SEC24B: variants seen among roughly 807,000 people sequenced by gnomAD.
SEC24B encodes the protein SEC24 homolog B, COPII component.
Under a neutral mutation model 142.8 loss-of-function variants are expected in SEC24B, and 45 were observed. The ratio of observed to expected loss-of-function variants is 0.32; its 90% confidence interval spans 0.25 to 0.40. The LOEUF is 0.40. Ranked by LOEUF, SEC24B falls within the 10% of genes least tolerant of loss-of-function variation. SEC24B has a pLI of 1.00. For synonymous variants in SEC24B, 574 were observed against 568.2 expected, an observed-to-expected ratio of 1.01 and a Z score of -0.15; for missense variants, 1,409 against 1,526.8, an observed-to-expected ratio of 0.92 and a Z score of 1.29.
chr4:109,476,848 A>G (rs1424777613), intron 3 of SEC24B, among the ~76,000 whole-genome samples: 1 of 152,222 alleles, frequency 6.6e-6, no homozygotes, highest in East Asian at 1.9e-4. Flanking sequence ...CTTAAGACCT[A>G]CAGAGTTGGC....
At position 109,483,003 on chromosome 4, in the gene SEC24B, C is replaced by CACACATAT. The variant is rs1408633373; in HGVS notation, c.1165+1223_1165+1224insCACATATA. ...ATACACACACACACACACACACACA[C>CACACATAT]ATATTATACATATGTTTTTTATATA... is the stretch of plus-strand genomic sequence containing the variant. On this transcript the variant is annotated intron_variant, in intron 4 of 23. Transcript: ENST00000265175. Among the ~76,000 whole-genome samples the CACACATAT allele has an allele frequency of 9.2e-4, 77 of 83,966 alleles. 1 individual carries two copies. The highest frequency in any genetic ancestry group is 1.5e-3 in the Non-Finnish European group (69 of 46,894). 55.1% of individuals were successfully genotyped at this position (83,966 alleles called of 152,430 possible). A position where few individuals can be genotyped will look rare whatever the true frequency, so the allele number is the denominator to read the frequency against.
rs137922616 is a variant in SEC24B at position 109,461,284 on chromosome 4, G to A, written c.134-1617G>A. On this transcript the variant is annotated intron_variant, in intron 1 of 23. Transcript: ENST00000265175. ...GCAATATGAAGCATTATTGATGGGA[G>A]GTATAAATTGATAGACCTTTTAAGA... Among the ~76,000 whole-genome samples the A allele has an allele frequency of 3.3e-3, 507 of 152,182 alleles. 4 individuals carry two copies. The highest frequency in any genetic ancestry group is 0.011 in the African/African-American group (463 of 41,520).
chr4:109,519,826 G>T (rs1236777140), intron 11 of SEC24B, among the ~76,000 whole-genome samples: 1 of 152,090 alleles, frequency 6.6e-6, no homozygotes, highest in Non-Finnish European at 1.5e-5. Flanking sequence ...TATTTTAAAG[G>T]CATTGCTAAA....
chr4:109,446,378 A>G (rs982487043), intron 1 of SEC24B, among the ~76,000 whole-genome samples: 5 of 152,214 alleles, frequency 3.3e-5, no homozygotes, highest in Non-Finnish European at 7.3e-5. Flanking sequence ...GGAAAAGGCA[A>G]GGAAACGGAT....
In SEC24B at chr4:109,525,416, A is replaced by C. The variant is rs756576096; in HGVS notation, c.2703A>C (p.Ser901=). 15 of 1,612,008 alleles carry C rather than the reference A, an allele frequency of 9.3e-6. No homozygotes were observed. The African/African-American group carries it at 1.9e-4, about 20-fold the overall frequency. Residue 901 remains serine, a synonymous_variant, in exon 16 of 24, where the codon TCA becomes TCC. Transcript: ENST00000265175. ...YPSFHYTHNP[S]QAEKLQKDLK... ...CATTCCACTATACTCACAATCCTTC[A>C]CAAGCAGAAAAGTTACAAAAAGACC... is the stretch of plus-strand genomic sequence containing the variant.
At chr4:109,527,264 GTTTGC>G in intron 17 of SEC24B, 53 bp from the exon 18 acceptor site, 1 of 1,143,012 alleles carries the variant, frequency 8.7e-7, no homozygotes, top group Non-Finnish European at 1.3e-6. Flanking sequence ...TATTTGACAT[GTTTGC>G]TTTGCTTTAT....
intron 2 of SEC24B, among the ~76,000 whole-genome samples, chr4:109,465,024 A>G (rs1487386292): frequency 6.6e-6 from 1 of 152,244 alleles, no homozygotes; most frequent in African/African-American, 2.4e-5. Flanking sequence ...ATTAAGTCAG[A>G]ATTAAAAGCA....
intron 2 of SEC24B, among the ~76,000 whole-genome samples, chr4:109,466,653 G>A (rs770085175): frequency 7.4e-4 from 113 of 152,206 alleles, no homozygotes; most frequent in Non-Finnish European, 8.8e-4. Flanking sequence ...CTTGTGATCC[G>A]CCCGCCTTGG....
At chr4:109,454,772 T>C (rs1209988451) in intron 1 of SEC24B, among the ~76,000 whole-genome samples, 5 of 152,156 alleles carry the variant, frequency 3.3e-5, no homozygotes, top group African/African-American at 1.2e-4. Context: ...ATTCTAACTT[T>C]CCCTCTGTCC....
Position 109,463,460 on chromosome 4 carries a change from T to C in SEC24B, c.693T>C (p.Asn231=), listed in dbSNP as rs772489735. The change falls in exon 2 of 24, where the codon AAT becomes AAC. Residue 231 remains asparagine, a synonymous_variant. Transcript: ENST00000265175. ...PVKDNSFSGQ[N]TAISHPSPLP... ...AAGATAATTCATTCTCTGGTCAAAA[T>C]ACAGCTATCAGCCATCCATCGCCAC... The C allele has an allele frequency of 6.2e-7, 1 of 1,614,184 alleles. No homozygotes were observed.
intron 1 of SEC24B, among the ~76,000 whole-genome samples, chr4:109,456,337 T>TG (rs1445207795): frequency 2.7e-5 from 4 of 148,752 alleles, no homozygotes; most frequent in South Asian, 2.1e-4. Context: ...TTTTTTTGTT[T>TG]TTTTTTTTTT....
At chr4:109,485,024 G>A (rs1224469285) in intron 4 of SEC24B, among the ~76,000 whole-genome samples, 2 of 152,006 alleles carry the variant, frequency 1.3e-5, no homozygotes, top group African/African-American at 4.8e-5. Flanking sequence ...GCAATACAGA[G>A]CTAGTATGTC....
chr4:109,494,602 T>G lies in SEC24B; in HGVS notation c.1247-13T>G, dbSNP rs752658019. On this transcript the variant is annotated splice_polypyrimidine_tract_variant and intron_variant, in intron 5 of 23. Coordinates refer to ENST00000265175, the MANE Select transcript of SEC24B (RefSeq NM_006323.5). ...ATTTTCAGTTGTTAACACCATGTGT[T>G]TCCATTTTTTAGATATGCTTTCTTC... 256 of 1,613,350 alleles carry G rather than the reference T, an allele frequency of 1.6e-4. 1 individual carries two copies. The highest frequency in any genetic ancestry group is 2.1e-4 in the Non-Finnish European group (252 of 1,179,972).
intron 1 of SEC24B, among the ~76,000 whole-genome samples, chr4:109,452,540 A>G (rs1730216555): frequency 6.6e-6 from 1 of 152,270 alleles, no homozygotes; most frequent in African/African-American, 2.4e-5. Context: ...ATTCCCTCCA[A>G]CAATGAGTGA....
intron 8 of SEC24B, among the ~76,000 whole-genome samples, chr4:109,510,569 T>C (rs865880922): frequency 6.6e-6 from 1 of 152,212 alleles, no homozygotes; most frequent in Non-Finnish European, 1.5e-5. Context: ...AGATACACTT[T>C]CGGAGTTCTT....
chr4:109,439,830 C>G (rs1006359548), intron 1 of SEC24B, among the ~76,000 whole-genome samples: 6 of 150,748 alleles, frequency 4.0e-5, no homozygotes, highest in African/African-American at 1.5e-4. Context: ...TCTCAAAGAT[C>G]TTAAAGTAGG....
intron 10 of SEC24B, among the ~76,000 whole-genome samples, chr4:109,515,401 C>T (rs1269407744): frequency 6.6e-6 from 1 of 152,042 alleles, no homozygotes; most frequent in Admixed American, 6.6e-5. Context: ...GCTCCTGGCT[C>T]CAGTTAGCAT....
Position 109,442,324 on chromosome 4 carries a change from A to C in SEC24B, c.133+8322A>C, listed in dbSNP as rs181983915. 4.0e-3 allele frequency among the ~76,000 whole-genome samples: 608 copies of C among 152,308 alleles called. 2 individuals are homozygous for C. Among genetic ancestry groups the C allele is most frequent in the Non-Finnish European group, 6.0e-3 (407 of 68,016 alleles). ...TTGGGCTAGCATGGTGGGGTAAAGC[A>C]GGGGAATAGGACCATGGCTATGACT... On this transcript the variant is annotated intron_variant, in intron 1 of 23. Transcript: ENST00000265175.
intron 3 of SEC24B, among the ~76,000 whole-genome samples, chr4:109,477,488 A>AT (rs1034633829): frequency 6.6e-6 from 1 of 151,816 alleles, no homozygotes; most frequent in Non-Finnish European, 1.5e-5. Context: ...CATCTGACTA[A>AT]TTTTTTAAAA....
Sources: gnomAD v4.1 joint callset for allele counts (sites outside exome capture counted in the v4.1 genomes callset) on GRCh38, gnomAD v4.1.1 for gene constraint, MANE v1.5 for transcripts, NCBI Gene and HGNC (gene_info 2026-07-23, HGNC 2026-07-21) for gene names.